Variants in KMT2E observed in about 807,000 individuals in gnomAD.
KMT2E encodes lysine methyltransferase 2E (inactive), also known as histone reader KMT2E.
In KMT2E, 30 loss-of-function variants were observed where a neutral mutation model predicts 184.6. The observed-to-expected ratio is 0.16, with a 90% CI of 0.12 to 0.22. The LOEUF is 0.22. Among genes scored for constraint, KMT2E ranks in the 10% least tolerant of loss-of-function variants. The pLI, the probability that KMT2E is intolerant of heterozygous loss-of-function variation, is 1.00. For synonymous variants in KMT2E, 815 were observed against 776.5 expected (o/e 1.05, Z -0.82); for missense variants, 2,023 against 2,237.4 (o/e 0.90, Z 1.93).
rs149960021 is a variant in KMT2E, at chr7:105,113,012, G to A, written c.5256G>A (p.Ser1752=). Residue 1752 remains serine, a synonymous_variant, in exon 27 of 27, where the codon TCG becomes TCA. Transcript: ENST00000311117. ...PPHQGPPLFP[S]SAHPTVPPYP... ...ATCAAGGACCTCCACTTTTTCCTTC[G>A]AGTGCTCATCCAACTGTACCACCGT... is the stretch of plus-strand genomic sequence containing the variant. 100 of 1,613,472 alleles carry A rather than the reference G, an allele frequency of 6.2e-5. No individual in the cohort carries two copies. The African/African-American group carries it at 6.8e-4, about 11-fold the overall frequency.
At chr7:105,019,058 A>G (rs1262712506) in intron 1 of KMT2E, among the ~76,000 whole-genome samples, 2 of 152,146 alleles carry the variant, frequency 1.3e-5, no homozygotes, top group Admixed American at 6.5e-5. Context: ...ATTGCAAGAG[A>G]TAAGAATTAA....
chr7:105,098,561 C>T (rs1380399321), intron 15 of KMT2E, among the ~76,000 whole-genome samples: 3 of 152,176 alleles, frequency 2.0e-5, no homozygotes, highest in South Asian at 4.2e-4. Flanking sequence ...GCGTGCCACA[C>T]CTGGCTAATT....
At chr7:105,083,799 A>G (rs1797852345) in intron 13 of KMT2E, among the ~76,000 whole-genome samples, 1 of 152,148 alleles carries the variant, frequency 6.6e-6, no homozygotes, top group African/African-American at 2.4e-5. Flanking sequence ...GATTTTCTTA[A>G]TGGTGTCTGA....
chr7:105,112,572 C>G lies in KMT2E; in HGVS notation c.4816C>G (p.Pro1606Ala). Residue 1606 changes from proline to alanine, a missense_variant, in exon 27 of 27, where the codon CCA becomes GCA. This residue lies in a region of KMT2E where 1,108 missense variants were observed against 1,050.9 expected (regional missense o/e 1.05). Coordinates refer to ENST00000311117, the MANE Select transcript of KMT2E (RefSeq NM_182931.3). ...AACAGTTCCAGGACACCACGTGACT[C>G]CAGGGCATTTTTTGCCCTCTCAGAA... ...QQTVPGHHVT[P>A]GHFLPSQNPT... 3 of 1,614,048 alleles carry G rather than the reference C, an allele frequency of 1.9e-6. No individual in the cohort carries two copies. Among genetic ancestry groups the G allele is most frequent in the Middle Eastern group, 1.6e-4 (1 of 6,062 alleles).
chr7:105,040,744 A>G, intron 2 of KMT2E, 95 bp from the exon 3 acceptor site: 1 of 365,542 alleles, frequency 2.7e-6, no homozygotes, highest in Non-Finnish European at 4.9e-6. Context: ...ATTTCAATTT[A>G]TATTGAGATT....
chr7:105,030,701 ATC>A (rs1298225489), intron 1 of KMT2E, among the ~76,000 whole-genome samples: 2 of 152,206 alleles, frequency 1.3e-5, no homozygotes, highest in African/African-American at 4.8e-5. Context: ...CTACATGAGA[ATC>A]TCTAGGGTAA....
At chr7:105,063,087 G>A (rs561074212) in intron 4 of KMT2E, among the ~76,000 whole-genome samples, 8 of 91,696 alleles carry the variant, frequency 8.7e-5, no homozygotes, top group Admixed American at 5.3e-4. Flanking sequence ...CCATAGGAAC[G>A]TGAAGATATG....
intron 1 of KMT2E, among the ~76,000 whole-genome samples, chr7:105,035,903 G>A (rs1309737239): frequency 6.6e-6 from 1 of 152,182 alleles, no homozygotes; most frequent in African/African-American, 2.4e-5. Flanking sequence ...GCCCACGTTT[G>A]TGGTGTTTTA....
Position 105,020,477 on chromosome 7 carries a change from T to C in KMT2E, c.-189+5942T>C, listed in dbSNP as rs551494872. ...GCGGGTGCCTGTAATCCCAGCTACT[T>C]GGGAGGCTGAGGCAGGAGAATTGCT... On this transcript the variant is annotated intron_variant, in intron 1 of 26. Coordinates refer to ENST00000311117, the MANE Select transcript of KMT2E (RefSeq NM_182931.3). Among the ~76,000 whole-genome samples the C allele has an allele frequency of 2.3e-3, 342 of 151,652 alleles. 3 individuals are homozygous for C. The highest frequency in any genetic ancestry group is 8.0e-3 in the African/African-American group (331 of 41,320).
rs869055986 is a variant in KMT2E at position 105,071,608 on chromosome 7, ATTTTTTTTTT to A, written c.498-1992_498-1983del. 3.2e-3 allele frequency among the ~76,000 whole-genome samples: 101 copies of A among 31,874 alleles called. 2 individuals are homozygous for A. The highest frequency in any genetic ancestry group is 0.013 in the African/African-American group (91 of 7,280). The allele number at this position is 31,874 out of a possible 152,430, so 20.9% of individuals were successfully genotyped here. ...TATATATATATATATATATATATAT[ATTTTTTTTTT>A]TTTTTTTTTTTTTTTTTTAAGTAGA... is the stretch of plus-strand genomic sequence containing the variant. On this transcript the variant is annotated intron_variant, in intron 6 of 26. Transcript: ENST00000311117.
At chr7:105,055,200 T>A (rs923771251) in intron 3 of KMT2E, among the ~76,000 whole-genome samples, 1 of 151,772 alleles carries the variant, frequency 6.6e-6, no homozygotes, top group Non-Finnish European at 1.5e-5. Context: ...GTGTGTGGTT[T>A]TTGTTTTTCT....
chr7:105,086,307 G>A (rs1478903394), intron 13 of KMT2E, among the ~76,000 whole-genome samples: 1 of 152,168 alleles, frequency 6.6e-6, no homozygotes, highest in Non-Finnish European at 1.5e-5. Context: ...ACATAGGAGT[G>A]GAATTGCTGG....
intron 3 of KMT2E, among the ~76,000 whole-genome samples, chr7:105,054,398 A>G (rs928914653): frequency 7.3e-5 from 11 of 151,076 alleles, no homozygotes; most frequent in South Asian, 4.2e-4. Context: ...GAACTCAAGG[A>G]AAAAAAAAGG....
At chr7:105,104,867 G>A (rs1019420002) in intron 17 of KMT2E, 1 of 151,936 alleles carries the variant, frequency 6.6e-6, no homozygotes, top group East Asian at 1.9e-4. Flanking sequence ...GTCTCTAGTT[G>A]TAACTATATT....
intron 15 of KMT2E, among the ~76,000 whole-genome samples, chr7:105,101,107 G>A (rs1407501901): frequency 6.6e-6 from 1 of 152,040 alleles, no homozygotes; most frequent in African/African-American, 2.4e-5. Context: ...GTATTATTAA[G>A]AGAAAAGATT....
chr7:105,037,003 G>C (rs944666799), intron 1 of KMT2E, among the ~76,000 whole-genome samples: 1 of 152,076 alleles, frequency 6.6e-6, no homozygotes, highest in Non-Finnish European at 1.5e-5. Context: ...TTAGTCAGCT[G>C]CTGTAAATTA....
At chr7:105,057,606 CA>C (rs1264217973) in intron 3 of KMT2E, among the ~76,000 whole-genome samples, 1 of 151,986 alleles carries the variant, frequency 6.6e-6, no homozygotes, top group African/African-American at 2.4e-5. Context: ...TGTGAGCCAC[CA>C]TGCCCAGCTA....
At chr7:105,055,527 T>C (rs1796543423) in intron 3 of KMT2E, among the ~76,000 whole-genome samples, 1 of 152,230 alleles carries the variant, frequency 6.6e-6, no homozygotes, top group Non-Finnish European at 1.5e-5. Context: ...TCAGTGAACA[T>C]AAAATTGAAG....
chr7:105,034,543 A>G (rs747507813), intron 1 of KMT2E, among the ~76,000 whole-genome samples: 20 of 151,836 alleles, frequency 1.3e-4, no homozygotes, highest in Non-Finnish European at 1.5e-5. Flanking sequence ...AGACCAGAAT[A>G]TTGACATTGA....
Sources: gnomAD v4.1 joint callset for allele counts (sites outside exome capture counted in the v4.1 genomes callset) on GRCh38, gnomAD v4.1.1 for gene constraint, gnomAD v4.1.1 regional missense constraint, MANE v1.5 for transcripts, NCBI Gene and HGNC (gene_info 2026-07-23, HGNC 2026-07-21) for gene names.